Variants in NKAIN2 observed in about 807,000 individuals in gnomAD.
NKAIN2 encodes sodium/potassium-transporting ATPase subunit beta-1-interacting protein 2.
Under a neutral mutation model 32.6 loss-of-function variants are expected in NKAIN2, and 14 were observed. The ratio of observed to expected loss-of-function variants is 0.43; its 90% CI spans 0.28 to 0.67. The LOEUF is 0.67. Among genes scored for constraint, NKAIN2 ranks in the 30% least tolerant of loss-of-function variants. NKAIN2 has a pLI of 0.17. For synonymous variants in NKAIN2, 80 were observed against 87.2 expected (o/e 0.92, Z 0.46); for missense variants, 198 against 258.3 (o/e 0.77, Z 1.60).
intron 1 of NKAIN2, among the ~76,000 whole-genome samples, chr6:123,934,294 G>T (rs981452224): frequency 3.3e-5 from 5 of 151,858 alleles, no homozygotes; most frequent in South Asian, 2.1e-4. Context: ...TTTGTGTTTT[G>T]GTCCACCCTG....
intron 3 of NKAIN2, among the ~76,000 whole-genome samples, chr6:124,455,028 G>A (rs1776264745): frequency 6.6e-6 from 1 of 151,920 alleles, no homozygotes; most frequent in African/African-American, 2.4e-5. Context: ...AAATTATTTA[G>A]ATTATTTAAA....
At chr6:124,741,409 T>C (rs1319516244) in intron 4 of NKAIN2, among the ~76,000 whole-genome samples, 1 of 151,856 alleles carries the variant, frequency 6.6e-6, no homozygotes, top group Non-Finnish European at 1.5e-5. Flanking sequence ...CCAGTAGAAA[T>C]GGTTTTTCGA....
chr6:124,360,266 T>A (rs1258326879), intron 3 of NKAIN2, among the ~76,000 whole-genome samples: 4 of 152,178 alleles, frequency 2.6e-5, no homozygotes, highest in African/African-American at 9.7e-5. Flanking sequence ...GGCTTTGGTA[T>A]CAGGATGATG....
chr6:123,883,582 C>A (rs942838298), intron 1 of NKAIN2, among the ~76,000 whole-genome samples: 1 of 151,588 alleles, frequency 6.6e-6, no homozygotes, highest in African/African-American at 2.4e-5. Context: ...GTTCCTGAGG[C>A]GTCCCCAGTC....
chr6:123,878,345 A>T (rs1773275176), intron 1 of NKAIN2, among the ~76,000 whole-genome samples: 1 of 152,184 alleles, frequency 6.6e-6, no homozygotes, highest in Admixed American at 6.5e-5. Context: ...TTCTTACTGA[A>T]TTAGTCATTT....
At chr6:123,911,812 T>TACACACACAC (rs60501930) in intron 1 of NKAIN2, among the ~76,000 whole-genome samples, 10 of 85,012 alleles carry the variant, frequency 1.2e-4, no homozygotes, top group Non-Finnish European at 1.8e-4. Flanking sequence ...TATATATATA[T>TACACACACAC]ACACACACAC....
At chr6:124,115,577 C>G (rs1432853071) in intron 1 of NKAIN2, among the ~76,000 whole-genome samples, 2 of 151,880 alleles carry the variant, frequency 1.3e-5, no homozygotes. Flanking sequence ...GTAGAGATAC[C>G]CCTGCTTGGC....
At chr6:124,372,392 G>A (rs1336693529) in intron 3 of NKAIN2, among the ~76,000 whole-genome samples, 14 of 152,090 alleles carry the variant, frequency 9.2e-5, no homozygotes, top group Admixed American at 9.2e-4. Context: ...TGTTCCATCT[G>A]TGTTTATTTT....
chr6:123,960,907 C>G (rs948711120), intron 1 of NKAIN2, among the ~76,000 whole-genome samples: 3 of 151,852 alleles, frequency 2.0e-5, no homozygotes, highest in Non-Finnish European at 2.9e-5. Flanking sequence ...GGCAACAATG[C>G]AAGTTCTTCT....
chr6:124,257,060 T>C (rs1793982607), intron 1 of NKAIN2, among the ~76,000 whole-genome samples: 1 of 152,088 alleles, frequency 6.6e-6, no homozygotes. Context: ...TTTTTTGTTT[T>C]TGTTTTTATT....
chr6:124,803,789 C>A (rs921518621), intron 5 of NKAIN2, among the ~76,000 whole-genome samples: 1 of 152,098 alleles, frequency 6.6e-6, no homozygotes, highest in African/African-American at 2.4e-5. Context: ...ACTCTCCTAG[C>A]CTTGGAAATG....
At chr6:124,113,457 T>C (rs1785475872) in intron 1 of NKAIN2, among the ~76,000 whole-genome samples, 1 of 152,124 alleles carries the variant, frequency 6.6e-6, no homozygotes, top group African/African-American at 2.4e-5. Context: ...GGGATTTTTT[T>C]TGTTTGTTCG....
chr6:124,720,212 C>A (rs1295111446), intron 4 of NKAIN2, among the ~76,000 whole-genome samples: 1 of 152,156 alleles, frequency 6.6e-6, no homozygotes, highest in Non-Finnish European at 1.5e-5. Context: ...GACCATATGT[C>A]AGACACTTCT....
At chr6:124,235,869 T>C (rs1038823849) in intron 1 of NKAIN2, among the ~76,000 whole-genome samples, 1 of 152,140 alleles carries the variant, frequency 6.6e-6, no homozygotes, top group African/African-American at 2.4e-5. Context: ...AGTGCTCAGA[T>C]TCCATGAGTG....
intron 3 of NKAIN2, among the ~76,000 whole-genome samples, chr6:124,558,773 C>A (rs1011555761): frequency 2.0e-5 from 3 of 152,144 alleles, no homozygotes; most frequent in Non-Finnish European, 4.4e-5. Flanking sequence ...CATGGTGAAA[C>A]CCCATTTCTA....
intron 2 of NKAIN2, among the ~76,000 whole-genome samples, chr6:124,309,029 C>A (rs1796617406): frequency 6.6e-6 from 1 of 152,096 alleles, no homozygotes; most frequent in Non-Finnish European, 1.5e-5. Context: ...CGAGAACAGG[C>A]ATCCATTCTA....
At chr6:124,059,770 C>A (rs1420902345) in intron 1 of NKAIN2, among the ~76,000 whole-genome samples, 1 of 152,146 alleles carries the variant, frequency 6.6e-6, no homozygotes, top group Non-Finnish European at 1.5e-5. Flanking sequence ...TTGATCTCTG[C>A]TCTAAATGGA....
intron 3 of NKAIN2, among the ~76,000 whole-genome samples, chr6:124,361,382 G>A (rs1799280610): frequency 6.6e-6 from 1 of 151,750 alleles, no homozygotes. Context: ...TAATGTATGG[G>A]GCACCATTAG....
intron 1 of NKAIN2, among the ~76,000 whole-genome samples, chr6:124,005,443 T>A (rs7755430): frequency 0.055 from 8,380 of 152,196 alleles, 765 homozygotes; most frequent in African/African-American, 0.19. Flanking sequence ...AAATATATAC[T>A]TATATGTGTA....
Sources: allele counts gnomAD v4.1 joint callset (sites outside exome capture counted in the v4.1 genomes callset), GRCh38; gene constraint gnomAD v4.1.1; transcripts MANE v1.5; gene names NCBI Gene and HGNC (gene_info 2026-07-23, HGNC 2026-07-21).